The following EFCAB8 variants were observed in gnomAD, a reference collection of about 807,000 sequenced individuals.
EFCAB8 encodes the protein EF-hand calcium-binding domain-containing protein 8.
EFCAB8 carries 100 observed loss-of-function variants against 116.3 expected under a neutral mutation model. The observed-to-expected ratio is 0.86, with a 90% CI of 0.73 to 1.02. The LOEUF (loss-of-function observed/expected upper bound fraction) is 1.02. Ranked by LOEUF, EFCAB8 falls within the 50% of genes least tolerant of loss-of-function variation. The pLI is 0.00. For missense variants in EFCAB8, 1,320 were observed against 1,416.9 expected (o/e 0.93, Z 1.10); for synonymous variants, 558 against 567.9 (o/e 0.98, Z 0.25).
chr20:32,895,652 A>G (rs1232712770), intron 9 of EFCAB8, among the ~76,000 whole-genome samples: 1 of 144,542 alleles, frequency 6.9e-6, no homozygotes, highest in Non-Finnish European at 1.5e-5. Flanking sequence ...GCTCACTGCC[A>G]CCTCTGCCTT....
At chr20:32,865,714 A>G (rs1442121081) in intron 2 of EFCAB8, among the ~76,000 whole-genome samples, 1 of 151,342 alleles carries the variant, frequency 6.6e-6, no homozygotes, top group Non-Finnish European at 1.5e-5. Flanking sequence ...CACGAGAATC[A>G]CTTGAACCCA....
intron 1 of EFCAB8, 33 bp downstream of exon 1, chr20:32,859,039 C>T: frequency 2.1e-6 from 1 of 471,130 alleles, no homozygotes; most frequent in Non-Finnish European, 4.4e-6. Context: ...AGTTGCTCTC[C>T]AAAAGATTGG....
intron 22 of EFCAB8, among the ~76,000 whole-genome samples, chr20:32,934,746 C>T (rs2146279701): frequency 1.3e-5 from 2 of 152,314 alleles, no homozygotes; most frequent in Non-Finnish European, 2.9e-5. Flanking sequence ...CCTGCTCATG[C>T]TCTCTTGCCT....
At chr20:32,910,335 T>C (rs952251611) in intron 15 of EFCAB8, among the ~76,000 whole-genome samples, 12 of 152,100 alleles carry the variant, frequency 7.9e-5, no homozygotes, top group Non-Finnish European at 2.9e-5. Context: ...GCTTTTTTCA[T>C]TGTAGGAAGG....
chr20:32,894,445 A>C (rs1294369705), intron 9 of EFCAB8, among the ~76,000 whole-genome samples: 1 of 152,188 alleles, frequency 6.6e-6, no homozygotes, highest in Non-Finnish European at 1.5e-5. Flanking sequence ...ACTCTGCGCC[A>C]CCGTGGGAAC....
intron 3 of EFCAB8, among the ~76,000 whole-genome samples, chr20:32,869,382 T>A (rs1984580173): frequency 6.6e-6 from 1 of 152,110 alleles, no homozygotes; most frequent in Non-Finnish European, 1.5e-5. Flanking sequence ...ATTACTGGTA[T>A]GTGCCACCAC....
intron 3 of EFCAB8, among the ~76,000 whole-genome samples, chr20:32,872,215 G>A (rs762378420): frequency 1.6e-4 from 24 of 152,140 alleles, no homozygotes; most frequent in Non-Finnish European, 3.1e-4. Flanking sequence ...AGATTGCTAG[G>A]GTTAGTATCT....
chr20:32,859,068 T>TC, intron 1 of EFCAB8, 62 bp downstream of exon 1: 1 of 470,854 alleles, frequency 2.1e-6, no homozygotes, highest in Admixed American at 2.4e-5. Context: ...GCTGAAGACC[T>TC]CTGCCTGACC....
chr20:32,901,217 T>A (rs527461854), intron 11 of EFCAB8, among the ~76,000 whole-genome samples: 3 of 152,220 alleles, frequency 2.0e-5, no homozygotes, highest in African/African-American at 7.2e-5. Flanking sequence ...TATCACTTAG[T>A]GTATATTGGG....
At chr20:32,919,534 T>G (rs1391886697) in intron 19 of EFCAB8, among the ~76,000 whole-genome samples, 1 of 152,174 alleles carries the variant, frequency 6.6e-6, no homozygotes, top group Non-Finnish European at 1.5e-5. Flanking sequence ...TCTCACTCTG[T>G]CACCCAGGCT....
At chr20:32,936,441 T>A (rs559550532) in intron 22 of EFCAB8, among the ~76,000 whole-genome samples, 1 of 152,224 alleles carries the variant, frequency 6.6e-6, no homozygotes, top group Non-Finnish European at 1.5e-5. Context: ...TGTTTTACAG[T>A]CTCAGATCTT....
intron 22 of EFCAB8, among the ~76,000 whole-genome samples, chr20:32,935,192 C>CTTTTTTTTTTTTTTTTTTTTT (rs753039647): frequency 7.3e-4 from 25 of 34,042 alleles, no homozygotes; most frequent in African/African-American, 1.4e-3. Flanking sequence ...TTCTTTCTTT[C>CTTTTTTTTTTTTTTTTTTTTT]TTTTTTTTTT....
At position 32,875,568 on chromosome 20, in the gene EFCAB8, G is replaced by A. The variant is rs981527698; in HGVS notation, c.209-358G>A. 3.4e-5 allele frequency among the ~76,000 whole-genome samples: 5 copies of A among 145,048 alleles called. No homozygotes were observed. The South Asian group carries it at 1.1e-3, about 32-fold the overall frequency. On this transcript the variant is annotated intron_variant, in intron 3 of 26. Transcript: ENST00000400522. ...TGCCCAGGCTGGAGTGCAGTGGTGCGATCTCAGCTCACTGCAACCTCTGCC... is the reference window on the plus strand; with the variant it reads ...TGCCCAGGCTGGAGTGCAGTGGTGCAATCTCAGCTCACTGCAACCTCTGCC...
chr20:32,908,129 G>A (rs945958758), intron 13 of EFCAB8, 146 bp from the exon 14 acceptor site: 8 of 718,170 alleles, frequency 1.1e-5, no homozygotes, highest in South Asian at 7.6e-5. Context: ...TGGGTGTGAC[G>A]GTGCCAACAC....
intron 2 of EFCAB8, among the ~76,000 whole-genome samples, chr20:32,866,849 CTT>C (rs1483176987): frequency 7.2e-6 from 1 of 138,598 alleles, no homozygotes. Context: ...TCCTTCCTTT[CTT>C]TCTCTCTCTC....
At position 32,930,433 on chromosome 20, in the gene EFCAB8, C is replaced by T; in HGVS notation, c.2448C>T (p.His816=). Residue 816 remains histidine, a synonymous_variant, in exon 21 of 27, where the codon CAC becomes CAT. Coordinates refer to ENST00000400522, the MANE Select transcript of EFCAB8 (RefSeq NM_001143967.2). ...TGCAGACCAGGCCTCGCCTGCCGCACACGGCTGCCCTGCTGAGCAGCTGCA... is the reference window on the plus strand; with the variant it reads ...TGCAGACCAGGCCTCGCCTGCCGCATACGGCTGCCCTGCTGAGCAGCTGCA... ...IFLQTRPRLP[H]TAALLSSCMD... The T allele has an allele frequency of 6.4e-7, 1 of 1,551,712 alleles. No homozygotes were observed. The highest frequency in any genetic ancestry group is 8.7e-7 in the Non-Finnish European group (1 of 1,147,030).
At position 32,878,508 on chromosome 20, in the gene EFCAB8, C is replaced by CTT. The variant is rs1292839813; in HGVS notation, c.328-177_328-176dup. On this transcript the variant is annotated intron_variant, in intron 4 of 26. Transcript: ENST00000400522. The stretch of plus-strand genomic sequence containing the variant: ...GGACCCTGGGAATCAGGCTTGAGTT[C>CTT]TTTTTTTTTTTTTTTTTTTTGAGAC... Among the ~76,000 whole-genome samples the CTT allele has an allele frequency of 9.7e-3, 1,136 of 116,592 alleles. 23 individuals are homozygous for CTT. Among genetic ancestry groups the CTT allele is most frequent in the Non-Finnish European group, 0.014 (814 of 57,082 alleles). The allele number at this position is 116,592 out of a possible 152,430, so 76.5% of individuals were successfully genotyped here. A position where few individuals can be genotyped will look rare whatever the true frequency, so the allele number is the denominator to read the frequency against.
intron 2 of EFCAB8, among the ~76,000 whole-genome samples, chr20:32,864,641 T>C (rs140605575): frequency 1.7e-3 from 252 of 152,268 alleles, no homozygotes; most frequent in African/African-American, 5.9e-3. Flanking sequence ...CCCCCTGATG[T>C]ACGGTCTGTA....
Position 32,948,570 on chromosome 20 carries a change from A to AAGAAAGAAAGAAAG in EFCAB8, c.2959+4779_2959+4780insGAGAAAGAAAGAAA, listed in dbSNP as rs1555871351. Among the ~76,000 whole-genome samples, 692 of 149,776 alleles carry AAGAAAGAAAGAAAG rather than the reference A, an allele frequency of 4.6e-3. 6 individuals are homozygous for AAGAAAGAAAGAAAG. Among genetic ancestry groups the AAGAAAGAAAGAAAG allele is most frequent in the African/African-American group, 0.015 (597 of 39,706 alleles). ...AAAGAAAGAAAGAAAGAAAGAAAGA[A>AAGAAAGAAAGAAAG]AGAAAGAAAGAAAAGAAAGGAAAAG... is the stretch of plus-strand genomic sequence containing the variant. On this transcript the variant is annotated intron_variant, in intron 23 of 26. Transcript: ENST00000400522.
Sources: allele counts gnomAD v4.1 joint callset (sites outside exome capture counted in the v4.1 genomes callset), GRCh38; gene constraint gnomAD v4.1.1; transcripts MANE v1.5; gene names NCBI Gene and HGNC (gene_info 2026-07-23, HGNC 2026-07-21).